The following RNF135 variants were observed in gnomAD, a reference collection of about 807,000 sequenced individuals.
RNF135 encodes the protein E3 ubiquitin-protein ligase RNF135.
Under a neutral mutation model 41.9 loss-of-function variants are expected in RNF135, and 46 were observed. The ratio of observed to expected loss-of-function variants is 1.10; its 90% CI spans 0.87 to 1.40. The LOEUF (loss-of-function observed/expected upper bound fraction) is 1.40. Ranked by LOEUF, RNF135 falls within the 40% of genes most tolerant of loss-of-function variation. The pLI, the probability that RNF135 is intolerant of heterozygous loss-of-function variation, is 0.00. For synonymous variants in RNF135, 238 were observed against 223.8 expected (o/e 1.06, Z -0.57); for missense variants, 539 against 549.8 (o/e 0.98, Z 0.20).
In RNF135 at chr17:30,975,591, C is replaced by G. The variant is rs192082071; in HGVS notation, c.372+4146C>G. On this transcript the variant is annotated intron_variant, in intron 1 of 4. Coordinates refer to ENST00000328381, the MANE Select transcript of RNF135 (RefSeq NM_032322.4). ...CAGGTCTGGTTCAAGAACCACAGAG[C>G]AAAACTCAAGAAAGCCAAATAAAAG... 1.2e-5 allele frequency: 10 copies of G among 849,826 alleles called. No individual in the cohort carries two copies. In the African/African-American group the frequency reaches 1.7e-4, roughly 14 times the overall value. The allele number at this position is 849,826 out of a possible 1,614,324, so 52.6% of individuals were successfully genotyped here. A position where few individuals can be genotyped will look rare whatever the true frequency, so the allele number is the denominator to read the frequency against.
chr17:30,965,565 T>C, the RNF135 span: 5 of 152,236 alleles, frequency 3.3e-5, no homozygotes, highest in Non-Finnish European at 7.3e-5. Flanking sequence ...TTTTAATTGA[T>C]AGTCATTTGC....
intron 1 of RNF135, chr17:30,971,810 G>A (rs1257581553): frequency 3.7e-6 from 3 of 807,226 alleles, no homozygotes; most frequent in Non-Finnish European, 4.7e-6. Flanking sequence ...TTGAGACGGA[G>A]TCTCGCTCTG....
chr17:30,971,086 G>A lies in RNF135; in HGVS notation c.13G>A (p.Gly5Ser). MAGL[G>S]LGSAVPVWLA... ...CCGCCTGTTGGCCATGGCGGGCCTG[G>A]GCCTGGGCTCCGCCGTTCCCGTGTG... The change falls in exon 1 of 5, where the codon GGC (glycine) becomes AGC (serine). Residue 5 changes from glycine (G) to serine (S), a missense_variant. Physicochemically the swap from Gly to Ser is moderately conservative, Grantham distance 56. Coordinates refer to ENST00000328381, the MANE Select transcript of RNF135 (RefSeq NM_032322.4). The A allele has an allele frequency of 1.3e-6, 2 of 1,534,332 alleles. No homozygotes were observed. Among genetic ancestry groups the A allele is most frequent in the Middle Eastern group, 1.7e-4 (1 of 5,828 alleles).
intron 3 of RNF135, among the ~76,000 whole-genome samples, chr17:30,993,040 TTTATTATTATTATTA>T (rs58023443): frequency 1.4e-5 from 2 of 146,290 alleles, no homozygotes; most frequent in African/African-American, 5.2e-5. Context: ...GTTTTATTTG[TTTATTATTATTATTA>T]TTATTATTAT....
Position 30,971,394 on chromosome 17 carries a change from T to C in RNF135, c.321T>C (p.Ser107=). Residue 107 remains serine (S), a synonymous_variant, in exon 1 of 5, where the codon AGT becomes AGC. Transcript: ENST00000328381. ...DPAHCPCPGS[S]SLSSAAARPR... is the part of the protein sequence containing the mutation. The stretch of plus-strand genomic sequence containing the variant: ...CCCACTGCCCCTGCCCGGGCTCCAG[T>C]TCCCTCTCCAGCGCGGCCGCGAGGC... The C allele has an allele frequency of 1.3e-6, 2 of 1,522,698 alleles. No homozygotes were observed. Among genetic ancestry groups the C allele is most frequent in the Non-Finnish European group, 1.8e-6 (2 of 1,141,108 alleles). 94.3% of individuals were successfully genotyped at this position (1,522,698 alleles called of 1,614,324 possible).
chr17:30,960,410 GAAA>G, the RNF135 span, among the ~76,000 whole-genome samples: 1 of 125,200 alleles, frequency 8.0e-6, no homozygotes, highest in African/African-American at 2.9e-5. Flanking sequence ...AAAAGAAAAA[GAAA>G]AAAAAAAAAG....
chr17:30,984,511 G>A (rs1907445437), intron 1 of RNF135, 106 bp from the exon 2 acceptor site: 1 of 1,140,074 alleles, frequency 8.8e-7, no homozygotes, highest in Non-Finnish European at 1.3e-6. Flanking sequence ...CGGTCTGTAT[G>A]TCTGTTTTTA....
At chr17:30,966,200 C>T (rs541083825), upstream of RNF135, among the ~76,000 whole-genome samples, 2 of 152,212 alleles carry the variant, frequency 1.3e-5, no homozygotes, top group South Asian at 4.1e-4. Context: ...AACTAAATTC[C>T]TTCCACGGTT....
chr17:30,986,113 T>C (rs925369531), intron 2 of RNF135, among the ~76,000 whole-genome samples: 1 of 152,214 alleles, frequency 6.6e-6, no homozygotes, highest in Non-Finnish European at 1.5e-5. Context: ...TTATCACCAT[T>C]GCACCTTTGT....
At chr17:30,989,065 T>A in intron 3 of RNF135, among the ~76,000 whole-genome samples, 1 of 144,130 alleles carries the variant, frequency 6.9e-6, no homozygotes, top group Admixed American at 6.9e-5. Context: ...TGGCTGTAAA[T>A]GTCTTTCTTA....
intron 3 of RNF135, 133 bp downstream of exon 3, chr17:30,988,239 A>G: frequency 2.3e-6 from 2 of 878,290 alleles, no homozygotes; most frequent in Admixed American, 4.2e-5. Flanking sequence ...GTCGTGAATC[A>G]GGTAGGGGTG....
chr17:30,966,910 C>T (rs1567732447), upstream of RNF135, among the ~76,000 whole-genome samples: 1 of 152,166 alleles, frequency 6.6e-6, no homozygotes, highest in East Asian at 1.9e-4. Context: ...AAGTATTCAA[C>T]AAAATGAGTG....
At chr17:30,978,264 T>C (rs528008272) in intron 1 of RNF135, among the ~76,000 whole-genome samples, 4 of 152,352 alleles carry the variant, frequency 2.6e-5, no homozygotes, top group East Asian at 3.9e-4. Context: ...TATGTAGATA[T>C]TGATGTCTTT....
chr17:30,965,471 A>G, the RNF135 span: 1 of 152,224 alleles, frequency 6.6e-6, no homozygotes, highest in African/African-American at 2.4e-5. Flanking sequence ...ACAATGGTGT[A>G]TTAAAATAAA....
chr17:30,961,403 T>G, the RNF135 span, among the ~76,000 whole-genome samples: 9 of 152,140 alleles, frequency 5.9e-5, no homozygotes, highest in African/African-American at 1.9e-4. Flanking sequence ...GAATTTCCCA[T>G]GTAGACAGCA....
Position 30,975,988 on chromosome 17 carries a change from AAT to A in RNF135, c.372+4545_372+4546del, listed in dbSNP as rs200417259. 5.0e-3 allele frequency: 1,859 copies of A among 371,066 alleles called. 17 individuals are homozygous for A. The highest frequency in any genetic ancestry group is 0.036 in the African/African-American group (1,605 of 44,028). The allele number at this position is 371,066 out of a possible 1,614,324, so 23.0% of individuals were successfully genotyped here. ...ATACAAAAAGTCACATGTAAAAAAAAATAAATACTAAAAAAATTTTTTTTGTT... is the reference window on the plus strand; with the variant it reads ...ATACAAAAAGTCACATGTAAAAAAAAAAATACTAAAAAAATTTTTTTTGTT... On this transcript the variant is annotated intron_variant, in intron 1 of 4. Coordinates refer to ENST00000328381, the MANE Select transcript of RNF135 (RefSeq NM_032322.4).
At position 30,999,491 on chromosome 17, in the gene RNF135, A is replaced by G. The variant is rs892154595; in HGVS notation, c.*300A>G. On this transcript the variant is annotated 3_prime_UTR_variant, in exon 5 of 5. Transcript: ENST00000328381. Reference sequence around the variant, plus strand: ...GATGTTTGAACCCTGGACATTCCAAATAAAGAATAGGCCCCTGCCTGGCTC... The same window carrying G: ...GATGTTTGAACCCTGGACATTCCAAGTAAAGAATAGGCCCCTGCCTGGCTC... 5.0e-6 allele frequency: 2 copies of G among 402,082 alleles called. No individual in the cohort carries two copies. Among genetic ancestry groups the G allele is most frequent in the Non-Finnish European group, 9.4e-6 (2 of 213,296 alleles). 24.9% of individuals were successfully genotyped at this position (402,082 alleles called of 1,614,324 possible). A position where few individuals can be genotyped will look rare whatever the true frequency, so the allele number is the denominator to read the frequency against.
the RNF135 span, chr17:30,964,949 G>T: frequency 6.6e-6 from 1 of 152,198 alleles, no homozygotes; most frequent in East Asian, 1.9e-4. Context: ...CTCTCAAAAT[G>T]CTGGGATTAC....
chr17:30,968,386 C>CT (rs550082363), upstream of RNF135, among the ~76,000 whole-genome samples: 2,283 of 143,548 alleles, frequency 0.016, 46 homozygotes, highest in African/African-American at 0.042. Flanking sequence ...TTCTTTCTTT[C>CT]TTTTTTTTTT....
Sources: gnomAD v4.1 joint callset for allele counts (sites outside exome capture counted in the v4.1 genomes callset) on GRCh38, gnomAD v4.1.1 for gene constraint, MANE v1.5 for transcripts, NCBI Gene and HGNC (gene_info 2026-07-23, HGNC 2026-07-21) for gene names.